GK5: variants seen among roughly 807,000 people sequenced by gnomAD.
GK5 encodes the protein glycerol kinase 5.
Under a neutral mutation model 77.3 loss-of-function variants are expected in GK5, and 39 were observed. The ratio of observed to expected loss-of-function variants is 0.50; its 90% CI spans 0.39 to 0.66. The LOEUF (loss-of-function observed/expected upper bound fraction) is 0.66. Ranked by LOEUF, GK5 falls within the 30% of genes least tolerant of loss-of-function variation. The probability of loss-of-function intolerance (pLI) is 0.00; values close to 1 mark genes in which losing one functional copy is unlikely to be tolerated. For synonymous variants in GK5, 211 were observed against 208.0 expected, an observed-to-expected ratio of 1.01 and a Z score of -0.13; for missense variants, 487 against 633.8, an observed-to-expected ratio of 0.77 and a Z score of 2.49.
intron 5 of GK5, among the ~76,000 whole-genome samples, chr3:142,189,975 A>G (rs918114942): frequency 2.8e-4 from 43 of 152,188 alleles, no homozygotes; most frequent in Admixed American, 1.6e-3. Context: ...TGAAGAAACA[A>G]TAACATGGAA....
intron 3 of GK5, among the ~76,000 whole-genome samples, chr3:142,206,841 T>G (rs960550033): frequency 2.0e-5 from 3 of 152,224 alleles, no homozygotes; most frequent in Non-Finnish European, 4.4e-5. Flanking sequence ...TGCTATTGGT[T>G]TATTGTTCAC....
chr3:142,199,484 A>G (rs1451888542), intron 4 of GK5, among the ~76,000 whole-genome samples: 3 of 152,276 alleles, frequency 2.0e-5, no homozygotes, highest in East Asian at 3.9e-4. Flanking sequence ...CTTAGCTTCA[A>G]TCTGCCTCTA....
intron 12 of GK5, among the ~76,000 whole-genome samples, chr3:142,173,542 GAC>G (rs1212227759): frequency 6.6e-6 from 1 of 152,040 alleles, no homozygotes; most frequent in African/African-American, 2.4e-5. Context: ...AAATTAGCCA[GAC>G]ATGGTGGCGG....
At chr3:142,200,911 T>C (rs1245749433) in intron 4 of GK5, among the ~76,000 whole-genome samples, 1 of 152,158 alleles carries the variant, frequency 6.6e-6, no homozygotes, top group Non-Finnish European at 1.5e-5. Context: ...AGAAGACAAA[T>C]AAGCAATCAA....
At chr3:142,189,438 A>G (rs1330889063) in intron 5 of GK5, among the ~76,000 whole-genome samples, 1 of 152,242 alleles carries the variant, frequency 6.6e-6, no homozygotes, top group Non-Finnish European at 1.5e-5. Context: ...AAGTATTCTT[A>G]TATTTCAAAC....
chr3:142,212,172 T>C (rs1015484207), intron 3 of GK5, among the ~76,000 whole-genome samples: 1 of 152,020 alleles, frequency 6.6e-6, no homozygotes, highest in Admixed American at 6.5e-5. Context: ...TGGAGCCTAA[T>C]GCTTTAACAA....
At chr3:142,192,574 G>A (rs1291449046) in intron 5 of GK5, among the ~76,000 whole-genome samples, 1 of 152,066 alleles carries the variant, frequency 6.6e-6, no homozygotes, top group East Asian at 1.9e-4. Flanking sequence ...GAGCAGCCTG[G>A]CCAACATGAT....
Position 142,186,203 on chromosome 3 carries a change from C to G in GK5, c.746G>C (p.Arg249Thr), listed in dbSNP as rs755747605. 1.9e-6 allele frequency: 3 copies of G among 1,581,162 alleles called. No individual in the cohort carries two copies. The highest frequency in any genetic ancestry group is 2.2e-5 in the South Asian group (2 of 90,266). ...SIPLSLLPPV[R>T]DTSHNFGSVD... The stretch of plus-strand genomic sequence containing the variant: ...TGATGTTTATTATTACCTTGTGTCC[C>G]TCACAGGAGGTAGGAGAGAAAGTGG... Residue 249 changes from arginine to threonine, a missense_variant, in exon 8 of 16, where the codon AGG (arginine) becomes ACG (threonine). This residue lies in a region of GK5 where 323 missense variants were observed against 437.4 expected (regional missense o/e 0.74). Transcript: ENST00000392993.
chr3:142,214,638 G>A (rs2064246143), intron 2 of GK5, among the ~76,000 whole-genome samples: 1 of 152,170 alleles, frequency 6.6e-6, no homozygotes, highest in East Asian at 1.9e-4. Context: ...ATAAGAATGT[G>A]CTCTAGATGA....
At chr3:142,171,927 ATAAT>A (rs2063544823) in intron 13 of GK5, among the ~76,000 whole-genome samples, 1 of 152,178 alleles carries the variant, frequency 6.6e-6, no homozygotes, top group Non-Finnish European at 1.5e-5. Flanking sequence ...CTTAATTTTA[ATAAT>A]TAACACCTGT....
chr3:142,214,202 G>A (rs925007354), intron 2 of GK5, among the ~76,000 whole-genome samples: 2 of 152,132 alleles, frequency 1.3e-5, no homozygotes, highest in African/African-American at 4.8e-5. Context: ...TTCAAAGTAT[G>A]TCAGATTTAT....
chr3:142,171,852 C>T (rs545290511), intron 13 of GK5, among the ~76,000 whole-genome samples: 1 of 152,174 alleles, frequency 6.6e-6, no homozygotes, highest in Non-Finnish European at 1.5e-5. Context: ...AAAACAATTA[C>T]TTTGTAATCA....
chr3:142,192,601 T>C (rs2063867936), intron 5 of GK5, among the ~76,000 whole-genome samples: 1 of 151,916 alleles, frequency 6.6e-6, no homozygotes, highest in Non-Finnish European at 1.5e-5. Context: ...CCGTCTCTAC[T>C]AAAAATACAA....
chr3:142,212,363 G>A (rs1325460300), intron 3 of GK5, among the ~76,000 whole-genome samples: 10 of 151,834 alleles, frequency 6.6e-5, no homozygotes, highest in Non-Finnish European at 1.5e-4. Flanking sequence ...GTGAAACCCC[G>A]TCTCTACAAA....
intron 3 of GK5, among the ~76,000 whole-genome samples, chr3:142,211,226 T>C (rs2064184457): frequency 6.6e-6 from 1 of 152,046 alleles, no homozygotes; most frequent in Non-Finnish European, 1.5e-5. Flanking sequence ...ATCTAGTGGG[T>C]AGAGGCCAGG....
In GK5 at chr3:142,223,659, C is replaced by T. The variant is rs563903652; in HGVS notation, c.147+1650G>A. ...TTCAAGACCAGCCTGGCCAACATGG[C>T]GAAACCCTGTCTCTACAAAAATACA... On this transcript the variant is annotated intron_variant, in intron 1 of 15. Coordinates refer to ENST00000392993, the MANE Select transcript of GK5 (RefSeq NM_001039547.3). Among the ~76,000 whole-genome samples, 20 of 152,168 alleles carry T rather than the reference C, an allele frequency of 1.3e-4. No individual in the cohort carries two copies. In the South Asian group the frequency reaches 2.1e-3, roughly 16 times the overall value.
At chr3:142,168,344 G>A (rs1318971173) in intron 15 of GK5, among the ~76,000 whole-genome samples, 1 of 152,122 alleles carries the variant, frequency 6.6e-6, no homozygotes, top group Non-Finnish European at 1.5e-5. Flanking sequence ...ATTTGCAAAT[G>A]GGATTGATTA....
chr3:142,224,866 A>C (rs1310496770), intron 1 of GK5, among the ~76,000 whole-genome samples: 1 of 152,266 alleles, frequency 6.6e-6, no homozygotes, highest in African/African-American at 2.4e-5. Context: ...AAAAGTTTTG[A>C]AAAATTAAAA....
Position 142,215,591 on chromosome 3 carries a change from C to T in GK5, c.241+8G>A, listed in dbSNP as rs906875993. The T allele has an allele frequency of 3.5e-6, 5 of 1,410,874 alleles. No homozygotes were observed. In the African/African-American group the frequency reaches 4.3e-5, roughly 12 times the overall value. The allele number at this position is 1,410,874 out of a possible 1,614,324, so 87.4% of individuals were successfully genotyped here. A position where few individuals can be genotyped will look rare whatever the true frequency, so the allele number is the denominator to read the frequency against. ...AAAGATTATTGTTATTTTTATAAAT[C>T]CAATTACCTTTGACTGCTTCTTTTA... On this transcript the variant is annotated splice_region_variant and intron_variant, in intron 2 of 15. Coordinates refer to ENST00000392993, the MANE Select transcript of GK5 (RefSeq NM_001039547.3).
Sources: allele counts gnomAD v4.1 joint callset (sites outside exome capture counted in the v4.1 genomes callset), GRCh38; gene constraint gnomAD v4.1.1; regional missense constraint gnomAD v4.1.1; transcripts MANE v1.5; gene names NCBI Gene and HGNC (gene_info 2026-07-23, HGNC 2026-07-21).